EMC3: variants seen among roughly 807,000 people sequenced by gnomAD.
EMC3 encodes the protein 30 kDa protein.
A neutral mutation model predicts 36.6 loss-of-function variants in EMC3; 13 were observed. The observed-to-expected ratio is 0.35, with a 90% CI of 0.23 to 0.56. The LOEUF is 0.56. Ranked by LOEUF, EMC3 falls within the 20% of genes least tolerant of loss-of-function variation. The pLI is 0.84. For synonymous variants in EMC3, 120 were observed against 111.9 expected, an observed-to-expected ratio of 1.07 and a Z score of -0.46; for missense variants, 220 against 324.5, an observed-to-expected ratio of 0.68 and a Z score of 2.47.
Position 9,969,489 on chromosome 3 carries a change from G to T in EMC3, c.657+230C>A, listed in dbSNP as rs540298923. The T allele has an allele frequency of 7.8e-6, 11 of 1,416,622 alleles. No individual in the cohort carries two copies. In the East Asian group the frequency reaches 3.0e-4, roughly 39 times the overall value. 87.8% of individuals were successfully genotyped at this position (1,416,622 alleles called of 1,614,324 possible). On this transcript the variant is annotated intron_variant, in intron 7 of 7. Coordinates refer to ENST00000245046, the MANE Select transcript of EMC3 (RefSeq NM_001394674.1). Reference sequence around the variant, plus strand: ...TATTTTACAGCATCATTGATAGTGTGGATTAAATTCCAGTGAGCATTTAAA... The same window carrying T: ...TATTTTACAGCATCATTGATAGTGTTGATTAAATTCCAGTGAGCATTTAAA...
chr3:9,990,312 G>A (rs544138518), upstream of EMC3, among the ~76,000 whole-genome samples: 1 of 144,794 alleles, frequency 6.9e-6, no homozygotes, highest in Non-Finnish European at 1.5e-5. Flanking sequence ...GAGCCACCGT[G>A]CCGGGCCTTT....
chr3:9,984,713 C>G (rs754905454), intron 1 of EMC3, among the ~76,000 whole-genome samples: 1 of 152,102 alleles, frequency 6.6e-6, no homozygotes, highest in African/African-American at 2.4e-5. Context: ...TCTTAAGGTT[C>G]GCTCCAGGGT....
chr3:9,976,344 A>ATCAATC (rs2085850208), intron 3 of EMC3, among the ~76,000 whole-genome samples: 1 of 152,254 alleles, frequency 6.6e-6, no homozygotes, highest in East Asian at 1.9e-4. Context: ...ACCTCAGGCA[A>ATCAATC]TCAATCCACC....
Position 9,969,414 on chromosome 3 carries a change from C to T in EMC3, c.657+305G>A, listed in dbSNP as rs536291930. 3.7e-5 allele frequency: 47 copies of T among 1,258,578 alleles called. No homozygotes were observed. In the African/African-American group the frequency reaches 6.9e-4, roughly 18 times the overall value. The allele number at this position is 1,258,578 out of a possible 1,614,324, so 78.0% of individuals were successfully genotyped here. On this transcript the variant is annotated intron_variant, in intron 7 of 7. Transcript: ENST00000245046. ...ATTTATATCTGATGTCTATGGGGTT[C>T]AAAAAGGTTCAAATTATTCTAAATG... is the stretch of plus-strand genomic sequence containing the variant.
At chr3:10,003,789 C>T (rs2086231465) in intron 1 of EMC3, 1 of 164,472 alleles carries the variant, frequency 6.1e-6, no homozygotes, top group Non-Finnish European at 1.4e-5. Context: ...ACCCACGCAA[C>T]CAATACACCA....
rs113658691 is a variant in EMC3, at chr3:9,964,144, G to A, written c.711C>T (p.Val237=). 133 of 1,614,056 alleles carry A rather than the reference G, an allele frequency of 8.2e-5. 5 individuals are homozygous for A. In the Middle Eastern group the frequency reaches 1.3e-3, roughly 16 times the overall value. ...GGTCTTTGGCCATGAGCTCTTCTTC[G>A]ACATCATCTAGTGCCCACTGGTGAT... The part of the protein sequence containing the change: ...LTDHQWALDD[V]EEELMAKDLH... The change falls in exon 8 of 8, where the codon GTC becomes GTT. Residue 237 remains valine (V), a synonymous_variant. Transcript: ENST00000245046.
chr3:9,983,315 T>C (rs1559353549), intron 1 of EMC3, among the ~76,000 whole-genome samples: 1 of 152,078 alleles, frequency 6.6e-6, no homozygotes, highest in Non-Finnish European at 1.5e-5. Flanking sequence ...GTCTGGTTAA[T>C]TTTTGTATTT....
intron 1 of EMC3, chr3:9,994,127 C>T (rs2086093012): frequency 1.3e-6 from 2 of 1,538,770 alleles, no homozygotes; most frequent in Non-Finnish European, 1.8e-6. Flanking sequence ...GGATAAGCAA[C>T]TCTTAGGTTG....
intron 6 of EMC3, 135 bp downstream of exon 6, chr3:9,970,447 C>A (rs980460919): frequency 1.0e-6 from 1 of 992,292 alleles, no homozygotes; most frequent in East Asian, 2.4e-5. Context: ...TTTCAGAATA[C>A]CTCAGAAACT....
At chr3:9,988,155 TC>T (rs2086001415), upstream of EMC3, 4 of 551,194 alleles carry the variant, frequency 7.3e-6, no homozygotes, top group East Asian at 1.3e-4. Context: ...ATATCGTTTT[TC>T]AAATTACGTA....
chr3:10,005,702 A>G (rs958232441), intron 1 of EMC3, among the ~76,000 whole-genome samples: 3 of 152,202 alleles, frequency 2.0e-5, no homozygotes, highest in Non-Finnish European at 4.4e-5. Context: ...TACCATACGA[A>G]GAGCCACTCC....
intron 1 of EMC3, among the ~76,000 whole-genome samples, chr3:9,997,652 G>T (rs2086143525): frequency 6.6e-6 from 1 of 151,936 alleles, no homozygotes; most frequent in Admixed American, 6.6e-5. Flanking sequence ...TCGAGTTGGG[G>T]TTTCATCATG....
At chr3:9,973,445 C>T (rs1341330594) in intron 5 of EMC3, 183 bp downstream of exon 5, 9 of 581,748 alleles carry the variant, frequency 1.5e-5, no homozygotes, top group Admixed American at 1.2e-4. Flanking sequence ...CTGCCCACCT[C>T]GGCCTCCCAA....
chr3:9,977,118 C>T, intron 2 of EMC3, 68 bp from the exon 3 acceptor site: 1 of 1,266,280 alleles, frequency 7.9e-7, no homozygotes, highest in Non-Finnish European at 1.1e-6. Context: ...AAATTACTCC[C>T]CAGTGGCTTA....
intron 5 of EMC3, among the ~76,000 whole-genome samples, chr3:9,971,931 T>A (rs971215186): frequency 1.3e-5 from 2 of 152,226 alleles, no homozygotes; most frequent in Non-Finnish European, 2.9e-5. Context: ...AGAGGCTACA[T>A]GAAGCAGCAT....
chr3:10,002,922 C>T (rs1368655982), intron 1 of EMC3: 4 of 451,310 alleles, frequency 8.9e-6, no homozygotes, highest in East Asian at 7.0e-5. Flanking sequence ...GCACCTGTAG[C>T]AGTGGTGGAG....
chr3:9,966,383 C>T (rs1001461032), intron 7 of EMC3, among the ~76,000 whole-genome samples: 6 of 151,548 alleles, frequency 4.0e-5, no homozygotes, highest in South Asian at 2.1e-4. Flanking sequence ...CCACCACGCC[C>T]GGCTAATTTT....
intron 1 of EMC3, chr3:10,007,295 A>G: frequency 7.8e-7 from 1 of 1,275,404 alleles, no homozygotes; most frequent in South Asian, 1.4e-5. Flanking sequence ...CCTGGTGAAC[A>G]TTTTCAGAAG....
chr3:10,002,615 C>T, intron 1 of EMC3: 2 of 367,354 alleles, frequency 5.4e-6, no homozygotes, highest in South Asian at 2.1e-5. Context: ...CATAAAGACC[C>T]TGTGGCCTCC....
Sources: gnomAD v4.1 joint callset for allele counts (sites outside exome capture counted in the v4.1 genomes callset) on GRCh38, gnomAD v4.1.1 for gene constraint, MANE v1.5 for transcripts, NCBI Gene and HGNC (gene_info 2026-07-23, HGNC 2026-07-21) for gene names.